Variants in SLC24A2 observed in about 807,000 individuals in gnomAD.
The protein encoded by SLC24A2 is solute carrier family 24 member 2.
Under a neutral mutation model 62.0 loss-of-function variants are expected in SLC24A2, and 36 were observed. The ratio of observed to expected loss-of-function variants is 0.58; its 90% CI spans 0.44 to 0.77. The LOEUF is 0.77. Ranked by LOEUF, SLC24A2 falls within the 30% of genes least tolerant of loss-of-function variation. The pLI is 0.00. For missense variants in SLC24A2, 846 were observed against 817.9 expected (o/e 1.03, Z -0.42); for synonymous variants, 358 against 294.0 (o/e 1.22, Z -2.23).
At chr9:19,673,920 A>G (rs914307826) in intron 2 of SLC24A2, among the ~76,000 whole-genome samples, 2 of 152,162 alleles carry the variant, frequency 1.3e-5, no homozygotes, top group Non-Finnish European at 2.9e-5. Flanking sequence ...TGATGCCTGA[A>G]TATCTTGTTG....
At chr9:19,557,976 TG>T (rs773007165) in intron 7 of SLC24A2, among the ~76,000 whole-genome samples, 24 of 151,948 alleles carry the variant, frequency 1.6e-4, no homozygotes, top group Non-Finnish European at 3.4e-4. Flanking sequence ...TGCACCACCA[TG>T]GCTAATTTTT....
the SLC24A2 span, among the ~76,000 whole-genome samples, chr9:20,283,309 A>C: frequency 1.3e-5 from 2 of 152,230 alleles, no homozygotes; most frequent in Non-Finnish European, 2.9e-5. Context: ...CATAGGAAAC[A>C]GGTCGATTCC....
chr9:19,934,458 AGGACCCCAAGCAAATCCT>A, the SLC24A2 span, among the ~76,000 whole-genome samples: 2 of 151,448 alleles, frequency 1.3e-5, no homozygotes, highest in South Asian at 4.2e-4. The surrounding 1 kb of genome is among the most constrained non-coding windows in gnomAD (Gnocchi z 4.1). Context: ...GCGCACCACA[AGGACCCCAAGCAAATCCT>A]GGCCCCCATT....
At chr9:19,761,342 G>A (rs1274470393) in intron 2 of SLC24A2, among the ~76,000 whole-genome samples, 1 of 152,070 alleles carries the variant, frequency 6.6e-6, no homozygotes, top group Non-Finnish European at 1.5e-5. Flanking sequence ...ACTTTTTAAT[G>A]ATCACCATTC....
At chr9:19,578,157 C>T (rs1377013729) in intron 5 of SLC24A2, among the ~76,000 whole-genome samples, 3 of 151,700 alleles carry the variant, frequency 2.0e-5, no homozygotes, top group Non-Finnish European at 2.9e-5. Context: ...TTGATGGGTA[C>T]ACCAAAATCT....
chr9:20,180,935 G>C, the SLC24A2 span, among the ~76,000 whole-genome samples: 1 of 152,120 alleles, frequency 6.6e-6, no homozygotes, highest in Non-Finnish European at 1.5e-5. Context: ...AGTGGGCTCT[G>C]TCCTTTCTGA....
At chr9:20,215,449 T>TG in the SLC24A2 span, among the ~76,000 whole-genome samples, 1 of 151,992 alleles carries the variant, frequency 6.6e-6, no homozygotes, top group Non-Finnish European at 1.5e-5. Flanking sequence ...GTTACCTTCC[T>TG]GAAAAAAAAG....
chr9:20,015,508 G>A, the SLC24A2 span, among the ~76,000 whole-genome samples: 2 of 152,210 alleles, frequency 1.3e-5, no homozygotes, highest in African/African-American at 4.8e-5. Flanking sequence ...AAATATGTCT[G>A]CTGCTTCACT....
the SLC24A2 span, among the ~76,000 whole-genome samples, chr9:20,089,301 G>A: frequency 6.6e-6 from 1 of 152,186 alleles, no homozygotes; most frequent in East Asian, 1.9e-4. Context: ...TTCTCACTGG[G>A]GAGGGCTATC....
At chr9:19,837,458 CAAAAAAAAAAAAAAAAAAAAA>C in the SLC24A2 span, among the ~76,000 whole-genome samples, 24 of 22,354 alleles carry the variant, frequency 1.1e-3, no homozygotes, top group Non-Finnish European at 1.4e-3. Context: ...GACTCCGTCT[CAAAAAAAAAAAAAAAAAAAAA>C]AAAAAAAAAA....
chr9:19,876,221 T>A, the SLC24A2 span, among the ~76,000 whole-genome samples: 1 of 152,200 alleles, frequency 6.6e-6, no homozygotes, highest in Non-Finnish European at 1.5e-5. Flanking sequence ...CACAAGGGCA[T>A]GTTCAATAGG....
the SLC24A2 span, among the ~76,000 whole-genome samples, chr9:19,875,668 G>A: frequency 6.6e-6 from 1 of 152,176 alleles, no homozygotes; most frequent in Non-Finnish European, 1.5e-5. Context: ...ATGAAGTACA[G>A]GCCTGCACCC....
chr9:19,552,208 G>T (rs1020099467), intron 7 of SLC24A2, among the ~76,000 whole-genome samples: 2 of 152,112 alleles, frequency 1.3e-5, no homozygotes, highest in Non-Finnish European at 2.9e-5. Context: ...GCTGGCTCTG[G>T]TCCCTCTTCT....
At chr9:19,874,106 G>T in the SLC24A2 span, among the ~76,000 whole-genome samples, 8 of 120,546 alleles carry the variant, frequency 6.6e-5, no homozygotes, top group East Asian at 4.7e-4. Flanking sequence ...TTGAGACAGA[G>T]TCTGGCTCTG....
the SLC24A2 span, among the ~76,000 whole-genome samples, chr9:20,168,929 T>C: frequency 3.3e-5 from 5 of 152,006 alleles, no homozygotes; most frequent in Non-Finnish European, 7.4e-5. Flanking sequence ...CTATTCACAG[T>C]AGCCAAAGAT....
At chr9:19,583,641 C>T (rs921050226) in intron 5 of SLC24A2, among the ~76,000 whole-genome samples, 2 of 152,118 alleles carry the variant, frequency 1.3e-5, no homozygotes, top group Non-Finnish European at 2.9e-5. Context: ...GTCTTTAGGA[C>T]CTCCAAGCCC....
At chr9:19,945,494 A>G in the SLC24A2 span, among the ~76,000 whole-genome samples, 2 of 152,296 alleles carry the variant, frequency 1.3e-5, no homozygotes, top group Admixed American at 6.5e-5. Context: ...CATGTTCATT[A>G]ATTTCCACAG....
chr9:19,902,540 A>T, the SLC24A2 span, among the ~76,000 whole-genome samples: 3 of 152,160 alleles, frequency 2.0e-5, no homozygotes, highest in African/African-American at 4.8e-5. Flanking sequence ...AACATCAATA[A>T]CCGAAGCACC....
chr9:19,717,757 C>T (rs113335754), intron 2 of SLC24A2, among the ~76,000 whole-genome samples: 30 of 152,096 alleles, frequency 2.0e-4, no homozygotes, highest in African/African-American at 6.3e-4. Context: ...ACCTTCTCCT[C>T]TTTTTGCTAT....
Sources: gnomAD v4.1 joint callset for allele counts (sites outside exome capture counted in the v4.1 genomes callset) on GRCh38, gnomAD v4.1.1 for gene constraint, Gnocchi (gnomAD v3.1) non-coding constraint, MANE v1.5 for transcripts, NCBI Gene and HGNC (gene_info 2026-07-23, HGNC 2026-07-21) for gene names.